The following FAM153A variants were observed in gnomAD, a reference collection of about 807,000 sequenced individuals.
FAM153A encodes the protein protein FAM153A.
A neutral mutation model predicts 48.1 loss-of-function variants in FAM153A; 12 were observed. That is an observed-to-expected ratio of 0.25 (90% confidence interval 0.16 to 0.40). The LOEUF is 0.40. FAM153A is among the 10% of genes least tolerant of loss of function. FAM153A has a pLI of 1.00. For synonymous variants in FAM153A, 36 were observed against 118.2 expected (o/e 0.30, Z 4.51); for missense variants, 111 against 345.8 (o/e 0.32, Z 5.38).
intron 10 of FAM153A, among the ~76,000 whole-genome samples, chr5:177,738,443 C>T (rs184067229): frequency 6.6e-6 from 1 of 151,492 alleles, no homozygotes; most frequent in African/African-American, 2.5e-5. Flanking sequence ...GACAATCCTA[C>T]ATGAGAGACA....
chr5:177,753,164 G>A, intron 1 of FAM153A: 2 of 1,610,144 alleles, frequency 1.2e-6, no homozygotes, highest in Non-Finnish European at 8.5e-7. Flanking sequence ...AGATGGAAAT[G>A]AACATACATA....
At chr5:177,710,911 A>G (rs934985804), downstream of FAM153A, among the ~76,000 whole-genome samples, 2 of 151,450 alleles carry the variant, frequency 1.3e-5, no homozygotes, top group Non-Finnish European at 2.9e-5. Flanking sequence ...CGGCCTCCCA[A>G]AGTGCTGAAA....
intron 4 of FAM153A, among the ~76,000 whole-genome samples, chr5:177,746,852 G>C (rs1766097203): frequency 6.6e-6 from 1 of 150,584 alleles, no homozygotes; most frequent in African/African-American, 2.5e-5. Context: ...CTGTGTCTTG[G>C]GTATGTGTGC....
the FAM153A span, among the ~76,000 whole-genome samples, chr5:177,698,669 A>C: frequency 3.6e-4 from 55 of 151,854 alleles, no homozygotes; most frequent in East Asian, 7.0e-3. Context: ...TTTTCTATTT[A>C]TTTTTTTGAG....
At chr5:177,754,103 C>T (rs183655876), upstream of FAM153A, among the ~76,000 whole-genome samples, 53 of 151,878 alleles carry the variant, frequency 3.5e-4, 1 homozygote, top group East Asian at 9.9e-3. Context: ...AAAGGGATGA[C>T]AGGCTGCACC....
At chr5:177,754,023 C>T (rs912500519), upstream of FAM153A, among the ~76,000 whole-genome samples, 12 of 151,960 alleles carry the variant, frequency 7.9e-5, no homozygotes, top group South Asian at 2.1e-4. Context: ...AAGTGTGAGC[C>T]GAAGCAGGGC....
chr5:177,764,256 T>C (rs1768543289), intron 1 of FAM153A, among the ~76,000 whole-genome samples: 1 of 150,120 alleles, frequency 6.7e-6, no homozygotes, highest in South Asian at 2.1e-4. Flanking sequence ...TGAGGATGCC[T>C]ATGAACAGCT....
intron 1 of FAM153A, among the ~76,000 whole-genome samples, chr5:177,764,780 G>A (rs1379538342): frequency 6.6e-6 from 1 of 150,934 alleles, no homozygotes; most frequent in South Asian, 2.1e-4. Flanking sequence ...TGAGACAAAT[G>A]AGGATGGCTG....
At chr5:177,743,511 T>C (rs1279333236) in intron 6 of FAM153A, among the ~76,000 whole-genome samples, 1 of 121,424 alleles carries the variant, frequency 8.2e-6, no homozygotes, top group Non-Finnish European at 1.7e-5. Flanking sequence ...CTGGGCCCCA[T>C]TATCTTATGG....
intron 16 of FAM153A, among the ~76,000 whole-genome samples, chr5:177,731,111 G>GTT (rs1212859078): frequency 1.9e-4 from 11 of 57,820 alleles, no homozygotes; most frequent in African/African-American, 6.7e-4. Flanking sequence ...CAGTTTGTTG[G>GTT]GTTTTTTTTT....
the FAM153A span, among the ~76,000 whole-genome samples, chr5:177,700,888 T>C: frequency 6.1e-4 from 93 of 151,754 alleles, 2 homozygotes; most frequent in African/African-American, 2.1e-3. Flanking sequence ...CACTCAAAAA[T>C]GAAATTAAGA....
In FAM153A at chr5:177,772,916, A is replaced by T. The variant is rs1769205381; in HGVS notation, c.-57+7533T>A. Among the ~76,000 whole-genome samples the T allele has an allele frequency of 1.6e-4, 2 of 12,200 alleles. 1 individual carries two copies. The highest frequency in any genetic ancestry group is 3.9e-4 in the Non-Finnish European group (2 of 5,086). The allele number at this position is 12,200 out of a possible 152,430, so 8.0% of individuals were successfully genotyped here. A position where few individuals can be genotyped will look rare whatever the true frequency, so the allele number is the denominator to read the frequency against. ...CCAGCACGCAGCTGGAGATCTGAGA[A>T]CGGGCAGACTGCCTCCTCAAGTGGG... is the stretch of plus-strand genomic sequence containing the variant. On this transcript the variant is annotated intron_variant, in intron 1 of 8. Transcript: ENST00000393518.
chr5:177,738,157 C>G (rs1046140684), intron 10 of FAM153A, among the ~76,000 whole-genome samples: 1 of 151,282 alleles, frequency 6.6e-6, no homozygotes, highest in African/African-American at 2.5e-5. Flanking sequence ...AGAAGATGAG[C>G]ACCAGGATAA....
chr5:177,749,852 A>G (rs1315454439), intron 2 of FAM153A, among the ~76,000 whole-genome samples: 1 of 141,546 alleles, frequency 7.1e-6, no homozygotes, highest in East Asian at 2.3e-4. Context: ...GCCTAACACA[A>G]TGGAAAACAT....
At chr5:177,715,126 A>C (rs1229002687) in intron 25 of FAM153A, among the ~76,000 whole-genome samples, 6 of 149,240 alleles carry the variant, frequency 4.0e-5, no homozygotes, top group Non-Finnish European at 7.5e-5. Flanking sequence ...ACGACCTTCA[A>C]AGTCCACATA....
chr5:177,732,754 C>T (rs1434857552), intron 14 of FAM153A, among the ~76,000 whole-genome samples: 7 of 119,404 alleles, frequency 5.9e-5, no homozygotes, highest in African/African-American at 1.9e-4. Context: ...AGGTAATCTG[C>T]GCGCCTTGGC....
At chr5:177,752,618 C>CAAAAAAAAAAAAA (rs71274705) in intron 1 of FAM153A, among the ~76,000 whole-genome samples, 1 of 31,038 alleles carries the variant, frequency 3.2e-5, no homozygotes, top group African/African-American at 2.2e-4. Context: ...GAGACTCTGC[C>CAAAAAAAAAAAAA]AAAAAAAAAA....
intron 1 of FAM153A, among the ~76,000 whole-genome samples, chr5:177,758,313 A>G (rs1767952316): frequency 7.5e-6 from 1 of 133,552 alleles, no homozygotes; most frequent in Non-Finnish European, 1.7e-5. Context: ...CCACTGCTCA[A>G]TGAAATAAAA....
chr5:177,755,475 A>G (rs2127703958), upstream of FAM153A, among the ~76,000 whole-genome samples: 1 of 151,874 alleles, frequency 6.6e-6, no homozygotes, highest in South Asian at 2.1e-4. Flanking sequence ...AATTCAGGAA[A>G]TACAGAGAGT....
Sources: gnomAD v4.1 joint callset for allele counts (sites outside exome capture counted in the v4.1 genomes callset) on GRCh38, gnomAD v4.1.1 for gene constraint, MANE v1.5 for transcripts, NCBI Gene and HGNC (gene_info 2026-07-23, HGNC 2026-07-21) for gene names.